PRELID2: variants seen among roughly 807,000 people sequenced by gnomAD.
PRELID2 encodes the protein PRELI domain containing 2, also known as PRELI domain-containing protein 2.
A neutral mutation model predicts 28.4 loss-of-function variants in PRELID2; 25 were observed. The observed-to-expected ratio is 0.88, with a 90% CI of 0.64 to 1.23. The LOEUF (loss-of-function observed/expected upper bound fraction) is 1.23. Ranked by LOEUF, PRELID2 falls within the 50% of genes most tolerant of loss-of-function variation. The probability of loss-of-function intolerance (pLI) is 0.00; values close to 1 mark genes in which losing one functional copy is unlikely to be tolerated. For missense variants in PRELID2, 201 were observed against 214.4 expected (o/e 0.94, Z 0.39); for synonymous variants, 76 against 71.6 (o/e 1.06, Z -0.31).
the PRELID2 span, among the ~76,000 whole-genome samples, chr5:145,273,468 T>C: frequency 6.6e-6 from 1 of 151,826 alleles, no homozygotes; most frequent in South Asian, 2.1e-4. Flanking sequence ...ACCCCATAGA[T>C]GGTGATGATG....
the PRELID2 span, among the ~76,000 whole-genome samples, chr5:145,424,817 C>T: frequency 6.6e-6 from 1 of 152,148 alleles, no homozygotes; most frequent in Non-Finnish European, 1.5e-5. Flanking sequence ...TATAAAAACC[C>T]TAGAAGAAAA....
intron 1 of PRELID2, chr5:145,728,846 C>T (rs1581106544): frequency 2.1e-6 from 2 of 963,412 alleles, no homozygotes; most frequent in East Asian, 2.4e-5. Context: ...TGACCATGAA[C>T]CTGAAGATGT....
the PRELID2 span, among the ~76,000 whole-genome samples, chr5:145,303,120 GACA>G: frequency 6.6e-6 from 1 of 152,164 alleles, no homozygotes; most frequent in Admixed American, 6.5e-5. Context: ...TTCAGAACCT[GACA>G]ACAATATTAT....
At chr5:145,605,991 T>C (rs1753498501) in intron 1 of PRELID2, among the ~76,000 whole-genome samples, 1 of 152,086 alleles carries the variant, frequency 6.6e-6, no homozygotes, top group South Asian at 2.1e-4. Flanking sequence ...ACCTCCTTGG[T>C]TAGCTGTATT....
At chr5:145,591,441 A>C (rs893914674) in intron 1 of PRELID2, among the ~76,000 whole-genome samples, 1 of 152,208 alleles carries the variant, frequency 6.6e-6, no homozygotes, top group Non-Finnish European at 1.5e-5. Flanking sequence ...TGGAGAATAG[A>C]CCATTTCATA....
intron 1 of PRELID2, among the ~76,000 whole-genome samples, chr5:145,692,408 G>T (rs2149696606): frequency 6.6e-6 from 1 of 152,142 alleles, no homozygotes; most frequent in South Asian, 2.1e-4. Context: ...GGCCTCATGT[G>T]TAACCCTGCT....
chr5:145,665,822 A>T (rs145210133), intron 1 of PRELID2, among the ~76,000 whole-genome samples: 2 of 152,060 alleles, frequency 1.3e-5, no homozygotes, highest in African/African-American at 4.8e-5. Flanking sequence ...CTCAATTCAA[A>T]TGGCACTCCT....
the PRELID2 span, among the ~76,000 whole-genome samples, chr5:145,459,576 T>A: frequency 6.6e-6 from 1 of 152,272 alleles, no homozygotes; most frequent in East Asian, 1.9e-4. Context: ...ACAATTTAAG[T>A]CACAGACACA....
the PRELID2 span, among the ~76,000 whole-genome samples, chr5:145,445,135 A>G: frequency 6.6e-6 from 1 of 152,118 alleles, no homozygotes; most frequent in Non-Finnish European, 1.5e-5. Context: ...AAAATGTACT[A>G]CAAATTTGTA....
chr5:145,400,137 TC>T, the PRELID2 span, among the ~76,000 whole-genome samples: 2 of 152,164 alleles, frequency 1.3e-5, no homozygotes, highest in Non-Finnish European at 2.9e-5. Flanking sequence ...CAGGCATCAG[TC>T]ATTATGCAAG....
intron 2 of PRELID2, among the ~76,000 whole-genome samples, chr5:145,820,982 A>G (rs1754743206): frequency 6.6e-6 from 1 of 152,022 alleles, no homozygotes; most frequent in Admixed American, 6.6e-5. Flanking sequence ...GTCTTACATC[A>G]CTTCTCCCAA....
chr5:145,635,426 G>A (rs984420527), intron 1 of PRELID2, among the ~76,000 whole-genome samples: 3 of 151,974 alleles, frequency 2.0e-5, no homozygotes, highest in African/African-American at 7.3e-5. Context: ...ATATATACCA[G>A]GTATTAACTT....
At chr5:145,251,554 C>T in the PRELID2 span, among the ~76,000 whole-genome samples, 1 of 152,084 alleles carries the variant, frequency 6.6e-6, no homozygotes, top group Non-Finnish European at 1.5e-5. Flanking sequence ...TCATCCCAAC[C>T]ACCTCAGCTG....
chr5:145,705,257 C>A (rs1755515112), intron 1 of PRELID2, among the ~76,000 whole-genome samples: 1 of 151,612 alleles, frequency 6.6e-6, no homozygotes, highest in African/African-American at 2.4e-5. Flanking sequence ...ATGGTGCAAT[C>A]TCAGCTCACT....
chr5:145,400,344 A>C, the PRELID2 span, among the ~76,000 whole-genome samples: 1 of 152,040 alleles, frequency 6.6e-6, no homozygotes, highest in South Asian at 2.1e-4. Context: ...CAGGATCCCC[A>C]ATCAAACTTT....
chr5:145,385,270 G>C, the PRELID2 span, among the ~76,000 whole-genome samples: 1 of 152,110 alleles, frequency 6.6e-6, no homozygotes, highest in Non-Finnish European at 1.5e-5. Flanking sequence ...CTTTCCCGAA[G>C]GACTTTTCAG....
intron 1 of PRELID2, among the ~76,000 whole-genome samples, chr5:145,491,326 G>A (rs563584882): frequency 6.6e-6 from 1 of 152,134 alleles, no homozygotes; most frequent in East Asian, 1.9e-4. Context: ...GCTCCCTTGG[G>A]CCTCTTATAT....
chr5:145,568,700 A>T (rs555295159), intron 1 of PRELID2, among the ~76,000 whole-genome samples: 6 of 152,340 alleles, frequency 3.9e-5, no homozygotes, highest in African/African-American at 1.4e-4. Context: ...CCTGCCTCAT[A>T]AATAATGATG....
chr5:145,347,472 T>G, the PRELID2 span, among the ~76,000 whole-genome samples: 1 of 152,196 alleles, frequency 6.6e-6, no homozygotes, highest in Non-Finnish European at 1.5e-5. Flanking sequence ...ATAGGGCAGA[T>G]GCTATCAACC....
Sources: gnomAD v4.1 joint callset for allele counts (sites outside exome capture counted in the v4.1 genomes callset) on GRCh38, gnomAD v4.1.1 for gene constraint, MANE v1.5 for transcripts, NCBI Gene and HGNC (gene_info 2026-07-23, HGNC 2026-07-21) for gene names.